PCDH15: variants seen among roughly 807,000 people sequenced by gnomAD.
PCDH15 encodes the protein protocadherin related 15, also known as protocadherin-15.
Under a neutral mutation model 178.5 loss-of-function variants are expected in PCDH15, and 129 were observed. That is an observed-to-expected ratio of 0.72 (90% CI 0.63 to 0.84). PCDH15 has a LOEUF of 0.84. Among genes scored for constraint, PCDH15 ranks in the 40% least tolerant of loss-of-function variants. The probability of loss-of-function intolerance (pLI) is 0.00; values close to 1 mark genes in which losing one functional copy is unlikely to be tolerated. For synonymous variants in PCDH15, 800 were observed against 732.0 expected, an observed-to-expected ratio of 1.09 and a Z score of -1.50; for missense variants, 2,230 against 2,099.9, an observed-to-expected ratio of 1.06 and a Z score of -1.21.
chr10:53,995,491 G>C (rs1361545719), intron 21 of PCDH15, 158 bp downstream of exon 21: 9 of 1,337,168 alleles, frequency 6.7e-6, no homozygotes, highest in African/African-American at 1.4e-5. Flanking sequence ...AATATGCTCT[G>C]TACCTGTGGA....
chr10:54,065,055 A>T (rs1460405147), intron 18 of PCDH15, among the ~76,000 whole-genome samples: 2 of 152,178 alleles, frequency 1.3e-5, no homozygotes, highest in Non-Finnish European at 2.9e-5. Context: ...TGCTGCCATC[A>T]GTATCTACAG....
At position 54,183,913 on chromosome 10, in the gene PCDH15, C is replaced by A. The variant is rs10082532; in HGVS notation, c.1441-320G>T. Among the ~76,000 whole-genome samples the A allele has an allele frequency of 0.09, 13,687 of 152,020 alleles. 1,231 individuals are homozygous for A. The highest frequency in any genetic ancestry group is 0.23 in the African/African-American group (9,345 of 41,428). The stretch of plus-strand genomic sequence containing the variant: ...CTCTTAGGGTTAACTACAATTTAAT[C>A]CTTAAAAACTTAATTGGAAAATATT... On this transcript the variant is annotated intron_variant, in intron 12 of 37. Transcript: ENST00000644397.
intron 3 of PCDH15, among the ~76,000 whole-genome samples, chr10:54,389,174 A>C (rs1045937500): frequency 1.4e-5 from 2 of 145,964 alleles, no homozygotes; most frequent in African/African-American, 5.0e-5. Flanking sequence ...ACAAAAAAAA[A>C]CTGTAGGGCT....
intron 2 of PCDH15, among the ~76,000 whole-genome samples, chr10:54,992,382 G>A (rs979498248): frequency 1.3e-5 from 2 of 152,288 alleles, no homozygotes; most frequent in East Asian, 1.9e-4. Flanking sequence ...GCTCAAGTCA[G>A]TTGACCTAAA....
intron 1 of PCDH15, among the ~76,000 whole-genome samples, chr10:54,725,125 C>G (rs1458782592): frequency 6.6e-6 from 1 of 151,306 alleles, no homozygotes; most frequent in Non-Finnish European, 1.5e-5. Context: ...TAGAATATTC[C>G]AACACTGTGG....
At chr10:55,253,993 T>C (rs138312609) in intron 1 of PCDH15, among the ~76,000 whole-genome samples, 155 of 152,314 alleles carry the variant, frequency 1.0e-3, no homozygotes, top group African/African-American at 3.4e-3. Context: ...TATATGTCTC[T>C]ATCCTTTAAA....
chr10:54,279,428 A>G (rs1041414137), intron 8 of PCDH15, among the ~76,000 whole-genome samples: 16 of 151,802 alleles, frequency 1.1e-4, no homozygotes, highest in Non-Finnish European at 2.2e-4. Flanking sequence ...CTAATAATTA[A>G]ATAACTTTGG....
intron 2 of PCDH15, among the ~76,000 whole-genome samples, chr10:55,392,668 A>G (rs765255356): frequency 2.0e-5 from 3 of 152,162 alleles, no homozygotes; most frequent in African/African-American, 4.8e-5. Context: ...AATATATTTC[A>G]CCATAGGTAA....
At chr10:54,463,089 G>A (rs1026719058) in intron 3 of PCDH15, among the ~76,000 whole-genome samples, 55 of 151,984 alleles carry the variant, frequency 3.6e-4, no homozygotes, top group African/African-American at 1.3e-3. Flanking sequence ...AGTACTCAAT[G>A]AGAACATTAA....
intron 2 of PCDH15, among the ~76,000 whole-genome samples, chr10:55,537,715 G>A (rs1841612510): frequency 6.6e-6 from 1 of 152,092 alleles, no homozygotes; most frequent in Non-Finnish European, 1.5e-5. Context: ...ATACAGGCAT[G>A]AGCCACCATG....
intron 2 of PCDH15, among the ~76,000 whole-genome samples, chr10:55,022,742 G>A (rs1223036437): frequency 1.2e-4 from 17 of 143,750 alleles, no homozygotes; most frequent in Non-Finnish European, 1.9e-4. Context: ...ACAGAGTCTG[G>A]CTCAGTCACC....
chr10:54,520,544 C>T (rs971884780), intron 3 of PCDH15, among the ~76,000 whole-genome samples: 2 of 152,096 alleles, frequency 1.3e-5, no homozygotes, highest in African/African-American at 2.4e-5. Flanking sequence ...GAATAGCAAT[C>T]ATTAAAAAGT....
intron 5 of PCDH15, among the ~76,000 whole-genome samples, chr10:54,367,798 C>CAT (rs907423328): frequency 9.9e-4 from 149 of 150,582 alleles, no homozygotes; most frequent in African/African-American, 2.4e-3. Flanking sequence ...CCAGAACTAA[C>CAT]ATATATATAT....
intron 2 of PCDH15, among the ~76,000 whole-genome samples, chr10:55,158,060 A>ATG (rs769091362): frequency 3.0e-5 from 4 of 132,474 alleles, no homozygotes; most frequent in African/African-American, 8.9e-5. Context: ...AATCACACAA[A>ATG]TATGTGTGTA....
chr10:55,200,620 C>T (rs1840218373), intron 1 of PCDH15, among the ~76,000 whole-genome samples: 1 of 151,918 alleles, frequency 6.6e-6, no homozygotes, highest in Non-Finnish European at 1.5e-5. Context: ...TGGGAGGGGC[C>T]AGGAACAGAA....
At chr10:55,197,801 C>A (rs1840135482) in intron 1 of PCDH15, among the ~76,000 whole-genome samples, 1 of 152,042 alleles carries the variant, frequency 6.6e-6, no homozygotes, top group Non-Finnish European at 1.5e-5. Context: ...AGTTATAATA[C>A]ATTCCCATTA....
intron 1 of PCDH15, among the ~76,000 whole-genome samples, chr10:54,672,653 T>C (rs572531842): frequency 6.6e-6 from 1 of 152,304 alleles, no homozygotes; most frequent in East Asian, 1.9e-4. Context: ...ACAATCTAAA[T>C]GAGCTTTGTA....
chr10:55,609,894 A>G (rs1189650362), intron 2 of PCDH15, among the ~76,000 whole-genome samples: 1 of 152,142 alleles, frequency 6.6e-6, no homozygotes, highest in African/African-American at 2.4e-5. Context: ...ACTGTAATAC[A>G]AAAGCAAGTA....
chr10:54,708,376 T>C (rs970735001), intron 1 of PCDH15, among the ~76,000 whole-genome samples: 1 of 152,212 alleles, frequency 6.6e-6, no homozygotes, highest in Non-Finnish European at 1.5e-5. Flanking sequence ...CTAACCCAAG[T>C]TGGACTGTGA....
Sources: allele counts gnomAD v4.1 joint callset (sites outside exome capture counted in the v4.1 genomes callset), GRCh38; gene constraint gnomAD v4.1.1; transcripts MANE v1.5; gene names NCBI Gene and HGNC (gene_info 2026-07-23, HGNC 2026-07-21).